Variants in SYT16 observed in about 807,000 individuals in gnomAD.
The protein encoded by SYT16 is synaptotagmin 16.
In SYT16, 42 loss-of-function variants were observed where a neutral mutation model predicts 61.4. The observed-to-expected ratio is 0.68, with a 90% CI of 0.53 to 0.89. SYT16 has a LOEUF of 0.89. SYT16 is among the 40% of genes least tolerant of loss of function. The pLI, the probability that SYT16 is intolerant of heterozygous loss-of-function variation, is 0.00. For missense variants in SYT16, 804 were observed against 807.3 expected, an observed-to-expected ratio of 1.00 and a Z score of 0.05; for synonymous variants, 314 against 302.3, an observed-to-expected ratio of 1.04 and a Z score of -0.40.
At chr14:61,865,270 T>C in intron 1 of SYT16, 2 of 814,266 alleles carry the variant, frequency 2.5e-6, no homozygotes, top group Non-Finnish European at 4.2e-6. Flanking sequence ...TGAGCATCTG[T>C]CTTTTGCCTC....
intron 2 of SYT16, among the ~76,000 whole-genome samples, chr14:61,978,684 T>C (rs541526829): frequency 5.3e-5 from 8 of 152,056 alleles, no homozygotes; most frequent in Non-Finnish European, 1.0e-4. Context: ...AGGGAAGTGC[T>C]TGACCAGAGT....
chr14:61,931,908 A>G (rs938498506), intron 1 of SYT16, among the ~76,000 whole-genome samples: 2 of 152,202 alleles, frequency 1.3e-5, no homozygotes, highest in Non-Finnish European at 2.9e-5. Flanking sequence ...TGTTAATGGT[A>G]TTTGATATGT....
chr14:61,879,723 T>C (rs1216045631), intron 1 of SYT16, among the ~76,000 whole-genome samples: 1 of 152,218 alleles, frequency 6.6e-6, no homozygotes, highest in Non-Finnish European at 1.5e-5. Flanking sequence ...CCTTTTTTAC[T>C]AGTTTAGATT....
intron 3 of SYT16, among the ~76,000 whole-genome samples, chr14:62,047,640 A>G (rs557979508): frequency 8.0e-4 from 116 of 145,730 alleles, no homozygotes; most frequent in African/African-American, 3.0e-3. Context: ...TTATTTTGAG[A>G]TATGTCCCAT....
At chr14:61,892,860 T>C (rs1046731241) in intron 1 of SYT16, among the ~76,000 whole-genome samples, 11 of 152,080 alleles carry the variant, frequency 7.2e-5, no homozygotes, top group African/African-American at 2.4e-4. Flanking sequence ...TGGTAGTGGC[T>C]GTAACAAACA....
At chr14:62,094,067 G>GT (rs1006583637) in intron 7 of SYT16, among the ~76,000 whole-genome samples, 1 of 152,074 alleles carries the variant, frequency 6.6e-6, no homozygotes, top group Non-Finnish European at 1.5e-5. Flanking sequence ...GGTGGGAGTG[G>GT]TTGAATATAA....
chr14:62,111,324 T>C lies in SYT16; in HGVS notation c.*10617T>C, dbSNP rs1285107169. On this transcript the variant is annotated 3_prime_UTR_variant, in exon 8 of 8. Transcript: ENST00000683842. ...ACTATTTTAGGAGATTTTCAGGAGA[T>C]TTTACCCTACATGGAGTACACTGTT... The C allele has an allele frequency of 1.3e-5, 2 of 152,082 alleles. No homozygotes were observed. The highest frequency in any genetic ancestry group is 4.8e-5 in the African/African-American group (2 of 41,442). 9.4% of individuals were successfully genotyped at this position (152,082 alleles called of 1,614,324 possible).
intron 1 of SYT16, among the ~76,000 whole-genome samples, chr14:61,821,878 T>C (rs1011002573): frequency 3.3e-5 from 5 of 152,248 alleles, no homozygotes; most frequent in African/African-American, 1.2e-4. Flanking sequence ...AGATTTTTAT[T>C]TGGAGTATTA....
chr14:61,968,090 G>A (rs1340091492), intron 1 of SYT16, among the ~76,000 whole-genome samples: 3 of 151,930 alleles, frequency 2.0e-5, no homozygotes, highest in Admixed American at 6.6e-5. Context: ...CCGAAACCCC[G>A]TCTCTACTAA....
chr14:61,928,483 T>C (rs1594936155), intron 1 of SYT16, among the ~76,000 whole-genome samples: 1 of 152,332 alleles, frequency 6.6e-6, no homozygotes, highest in East Asian at 1.9e-4. Context: ...CCTTTTTGTG[T>C]GTCTGAATAC....
chr14:61,848,701 T>A (rs1020976630), intron 1 of SYT16, among the ~76,000 whole-genome samples: 1 of 152,214 alleles, frequency 6.6e-6, no homozygotes, highest in Non-Finnish European at 1.5e-5. Context: ...CCAGACATGT[T>A]CTCTGGGAGA....
intron 1 of SYT16, among the ~76,000 whole-genome samples, chr14:61,818,408 G>A (rs910521149): frequency 1.3e-5 from 2 of 152,090 alleles, no homozygotes; most frequent in African/African-American, 2.4e-5. Flanking sequence ...AGCCAGGCGC[G>A]GTGGCTCACG....
intron 3 of SYT16, among the ~76,000 whole-genome samples, chr14:62,051,146 T>C (rs1260835896): frequency 2.0e-5 from 3 of 152,222 alleles, no homozygotes; most frequent in Non-Finnish European, 4.4e-5. Flanking sequence ...GCTGCTTTGT[T>C]TACCTACTCA....
intron 3 of SYT16, among the ~76,000 whole-genome samples, chr14:62,032,153 T>C (rs1223758828): frequency 2.6e-5 from 4 of 152,028 alleles, no homozygotes; most frequent in African/African-American, 9.7e-5. Context: ...CATGTGACAT[T>C]GAAGGAAACT....
intron 1 of SYT16, among the ~76,000 whole-genome samples, chr14:61,870,183 T>A (rs2047286539): frequency 6.6e-6 from 1 of 152,206 alleles, no homozygotes. Context: ...TCTTTTAGAT[T>A]TTGCATGTCT....
At chr14:61,825,883 G>T (rs945407968) in intron 1 of SYT16, among the ~76,000 whole-genome samples, 1 of 152,104 alleles carries the variant, frequency 6.6e-6, no homozygotes, top group South Asian at 2.1e-4. Flanking sequence ...AGTAATAGTG[G>T]CTTATAGTGT....
chr14:62,106,823 A>G lies in SYT16; in HGVS notation c.*6116A>G, dbSNP rs1207600669. 4 of 152,122 alleles carry G rather than the reference A, an allele frequency of 2.6e-5. No individual in the cohort carries two copies. The highest frequency in any genetic ancestry group is 9.7e-5 in the African/African-American group (4 of 41,428). 9.4% of individuals were successfully genotyped at this position (152,122 alleles called of 1,614,324 possible). On this transcript the variant is annotated 3_prime_UTR_variant, in exon 8 of 8. Transcript: ENST00000683842. ...TCACCTTATTTATATCCACTGTGGAACCTGTGAAACAGCTCGAGGCTTTAC... is the reference window on the plus strand; with the variant it reads ...TCACCTTATTTATATCCACTGTGGAGCCTGTGAAACAGCTCGAGGCTTTAC...
chr14:61,854,992 C>G (rs745318444), intron 1 of SYT16, among the ~76,000 whole-genome samples: 2 of 152,060 alleles, frequency 1.3e-5, no homozygotes, highest in Admixed American at 6.5e-5. Context: ...GGGTTTTTCT[C>G]TCATCACACT....
chr14:61,935,301 G>A (rs554921043), intron 1 of SYT16, among the ~76,000 whole-genome samples: 5 of 152,254 alleles, frequency 3.3e-5, no homozygotes, highest in African/African-American at 7.2e-5. Context: ...TTTCTCCTAC[G>A]CAGATGCCCA....
Sources: allele counts gnomAD v4.1 joint callset (sites outside exome capture counted in the v4.1 genomes callset), GRCh38; gene constraint gnomAD v4.1.1; transcripts MANE v1.5; gene names NCBI Gene and HGNC (gene_info 2026-07-23, HGNC 2026-07-21).